Variants in PCNX4 observed in about 807,000 individuals in gnomAD.
PCNX4 encodes the protein pecanex-like protein 4.
Under a neutral mutation model 107.2 loss-of-function variants are expected in PCNX4, and 103 were observed. The ratio of observed to expected loss-of-function variants is 0.96; its 90% CI spans 0.82 to 1.13. PCNX4 has a LOEUF of 1.13. PCNX4 is among the 50% of genes most tolerant of loss of function. The pLI is 0.00. For synonymous variants in PCNX4, 541 were observed against 481.7 expected (o/e 1.12, Z -1.61); for missense variants, 1,528 against 1,379.4 (o/e 1.11, Z -1.71).
In PCNX4 at chr14:60,146,444, T is replaced by C. The variant is rs1896408535; in HGVS notation, c.*12223T>C. On this transcript the variant is annotated 3_prime_UTR_variant, in exon 11 of 11. Coordinates refer to ENST00000406854, the MANE Select transcript of PCNX4 (RefSeq NM_001330177.2). This position sits in a 1 kb window ranked among gnomAD's most constrained non-coding sequence, Gnocchi z 4.9. ...TGCCCTATTATTTAAATTGAGAATG[T>C]GAACCAGTACAGACATTATGGAAAA... 1 of 152,138 alleles carries C rather than the reference T, an allele frequency of 6.6e-6. No individual in the cohort carries two copies. The highest frequency in any genetic ancestry group is 2.4e-5 in the African/African-American group (1 of 41,440). 9.4% of individuals were successfully genotyped at this position (152,138 alleles called of 1,614,324 possible). A position where few individuals can be genotyped will look rare whatever the true frequency, so the allele number is the denominator to read the frequency against.
rs1405765156 is a variant in PCNX4, at chr14:60,147,830, C to G, written c.*13609C>G. 1.3e-5 allele frequency: 2 copies of G among 152,206 alleles called. No homozygotes were observed. Among genetic ancestry groups the G allele is most frequent in the East Asian group, 3.8e-4 (2 of 5,196 alleles). 9.4% of individuals were successfully genotyped at this position (152,206 alleles called of 1,614,324 possible). ...CCAGGCTGCATGCTCTGCCAGGAGG[C>G]TGTGCTTCCTCTGTAGTAAGGTGGC... On this transcript the variant is annotated 3_prime_UTR_variant, in exon 11 of 11. Coordinates refer to ENST00000406854, the MANE Select transcript of PCNX4 (RefSeq NM_001330177.2).
At position 60,125,274 on chromosome 14, in the gene PCNX4, A is replaced by G. The variant is rs1320956194; in HGVS notation, c.3080+23A>G. ...CAGGTAATCCATTTTGATCATATGT[A>G]AGTTATAACATTGTTGGAAAAATAC... On this transcript the variant is annotated intron_variant, in intron 9 of 10. Transcript: ENST00000406854. 4.0e-6 allele frequency: 6 copies of G among 1,488,272 alleles called. No homozygotes were observed. In the Admixed American group the frequency reaches 1.6e-4, roughly 39 times the overall value. 92.2% of individuals were successfully genotyped at this position (1,488,272 alleles called of 1,614,324 possible). A position where few individuals can be genotyped will look rare whatever the true frequency, so the allele number is the denominator to read the frequency against.
chr14:60,110,212 G>A (rs1895714927), intron 2 of PCNX4: 1 of 167,162 alleles, frequency 6.0e-6, no homozygotes, highest in South Asian at 2.1e-4. Context: ...AAGGCCGACA[G>A]TTGAACTTCT....
intron 1 of PCNX4, among the ~76,000 whole-genome samples, chr14:60,105,126 G>GT (rs1486159433): frequency 6.6e-6 from 1 of 152,154 alleles, no homozygotes; most frequent in Non-Finnish European, 1.5e-5. Context: ...CACTTAAAAA[G>GT]TTTCAGCTTT....
rs1896330900 is a variant in PCNX4, at chr14:60,143,475, T to C, written c.*9254T>C. On this transcript the variant is annotated 3_prime_UTR_variant, in exon 11 of 11. Coordinates refer to ENST00000406854, the MANE Select transcript of PCNX4 (RefSeq NM_001330177.2). ...GTTTCCTCCCCATCCTAAGTAACTA[T>C]TACCATACCTAAATATATATCTAAT... The C allele has an allele frequency of 6.6e-6, 1 of 152,232 alleles. No homozygotes were observed. Among genetic ancestry groups the C allele is most frequent in the South Asian group, 2.1e-4 (1 of 4,832 alleles). The allele number at this position is 152,232 out of a possible 1,614,324, so 9.4% of individuals were successfully genotyped here. A position where few individuals can be genotyped will look rare whatever the true frequency, so the allele number is the denominator to read the frequency against.
Position 60,107,831 on chromosome 14 carries a change from G to C in PCNX4, c.193G>C (p.Gly65Arg), listed in dbSNP as rs1285083119. 6.2e-7 allele frequency: 1 copy of C among 1,612,754 alleles called. No homozygotes were observed. Among genetic ancestry groups the C allele is most frequent in the East Asian group, 2.2e-5 (1 of 44,872 alleles). ...GGVGTLLYQLGILKDYYTAAL... is the reference protein window; with the variant it reads ...GGVGTLLYQLRILKDYYTAAL... The stretch of plus-strand genomic sequence containing the variant: ...AGTCGGAACACTTTTATACCAGTTA[G>C]GCATCCTGAAAGACTATTATACAGC... The change falls in exon 2 of 11, where the codon GGC becomes CGC. Residue 65 changes from glycine to arginine, a missense_variant. Coordinates refer to ENST00000406854, the MANE Select transcript of PCNX4 (RefSeq NM_001330177.2).
rs1896415346 is a variant in PCNX4, at chr14:60,146,692, T to C, written c.*12471T>C. ...ATGTGTGTGTGTGTCTGTGTGTGTA[T>C]ATATATATATGGAATATTATTCCAC... On this transcript the variant is annotated 3_prime_UTR_variant, in exon 11 of 11. Transcript: ENST00000406854. This position sits in a 1 kb window ranked among gnomAD's most constrained non-coding sequence, Gnocchi z 4.9. 1 of 151,682 alleles carries C rather than the reference T, an allele frequency of 6.6e-6. No individual in the cohort carries two copies. The highest frequency in any genetic ancestry group is 2.4e-5 in the African/African-American group (1 of 41,270). The allele number at this position is 151,682 out of a possible 1,614,324, so 9.4% of individuals were successfully genotyped here. A position where few individuals can be genotyped will look rare whatever the true frequency, so the allele number is the denominator to read the frequency against.
chr14:60,127,471 C>T (rs1490574302), intron 10 of PCNX4, among the ~76,000 whole-genome samples: 4 of 152,186 alleles, frequency 2.6e-5, no homozygotes, highest in Non-Finnish European at 5.9e-5. Flanking sequence ...CGTGCCAAAA[C>T]CATCCCAAGG....
intron 1 of PCNX4, among the ~76,000 whole-genome samples, chr14:60,098,314 G>A (rs943652171): frequency 6.6e-6 from 1 of 152,148 alleles, no homozygotes; most frequent in Non-Finnish European, 1.5e-5. Flanking sequence ...CTGTAAGTCT[G>A]TAAGAGAGAG....
intron 7 of PCNX4, among the ~76,000 whole-genome samples, chr14:60,118,992 A>C (rs1368859357): frequency 1.3e-5 from 2 of 152,214 alleles, no homozygotes; most frequent in Non-Finnish European, 2.9e-5. Context: ...GAAACATGGA[A>C]ACACCTTTCC....
chr14:60,093,132 C>T (rs1465795650), intron 1 of PCNX4, among the ~76,000 whole-genome samples: 2 of 152,144 alleles, frequency 1.3e-5, no homozygotes, highest in African/African-American at 4.8e-5. Context: ...GTTGGCTGCT[C>T]CTAAATTTCC....
intron 6 of PCNX4, among the ~76,000 whole-genome samples, chr14:60,117,243 G>A (rs1038488014): frequency 1.3e-5 from 2 of 152,138 alleles, no homozygotes; most frequent in African/African-American, 4.8e-5. Context: ...TTCTAGTGCT[G>A]CAAGTCCCAT....
At position 60,107,630 on chromosome 14, in the gene PCNX4, C is replaced by T. The variant is rs766718642; in HGVS notation, c.-9C>T. 6 of 1,593,792 alleles carry T rather than the reference C, an allele frequency of 3.8e-6. No homozygotes were observed. The highest frequency in any genetic ancestry group is 1.4e-5 in the African/African-American group (1 of 74,042). On this transcript the variant is annotated 5_prime_UTR_variant, in exon 2 of 11. Transcript: ENST00000406854. ...AAGCATGTGACTTTCAGAATAATCC[C>T]GAGTGAGGATGAGTCCAGATGTGCC...
chr14:60,128,586 A>G (rs1896097684), intron 10 of PCNX4, among the ~76,000 whole-genome samples: 1 of 152,214 alleles, frequency 6.6e-6, no homozygotes, highest in South Asian at 2.1e-4. Flanking sequence ...CTTACAAGAA[A>G]TACTAGAGTT....
intron 1 of PCNX4, among the ~76,000 whole-genome samples, chr14:60,105,535 C>G (rs1895612921): frequency 6.6e-6 from 1 of 152,078 alleles, no homozygotes; most frequent in Non-Finnish European, 1.5e-5. Context: ...GGTGTGTGTA[C>G]TCTTTTTTTT....
intron 1 of PCNX4, among the ~76,000 whole-genome samples, chr14:60,106,647 A>G (rs1895635311): frequency 6.6e-6 from 1 of 152,230 alleles, no homozygotes; most frequent in Non-Finnish European, 1.5e-5. Context: ...TAAGGTACTA[A>G]TTCTTAAAGG....
At chr14:60,110,579 G>A (rs1029341527) in intron 2 of PCNX4, 1 of 167,052 alleles carries the variant, frequency 6.0e-6, no homozygotes, top group Admixed American at 6.5e-5. Flanking sequence ...ATTGGAGTGG[G>A]GATGTCTCTT....
rs578026729 is a variant in PCNX4 at position 60,118,263 on chromosome 14, T to C, written c.1579-66T>C. ...TAAAATTACTGTATAGTCTGTCTTA[T>C]ATGATCTTGAAAATTCATGAAAAAT... On this transcript the variant is annotated intron_variant, in intron 6 of 10. Transcript: ENST00000406854. The C allele has an allele frequency of 3.4e-6, 5 of 1,462,118 alleles. No homozygotes were observed. In the African/African-American group the frequency reaches 4.3e-5, roughly 12 times the overall value. The allele number at this position is 1,462,118 out of a possible 1,614,324, so 90.6% of individuals were successfully genotyped here.
rs997435298 is a variant in PCNX4, at chr14:60,137,058, C to T, written c.*2837C>T. ...CATTCATACCAACTATTTCAGAGAA[C>T]TAGCAATGCCAGGCAAAATAGTATT... is the stretch of plus-strand genomic sequence containing the variant. On this transcript the variant is annotated 3_prime_UTR_variant, in exon 11 of 11. Coordinates refer to ENST00000406854, the MANE Select transcript of PCNX4 (RefSeq NM_001330177.2). 2 of 152,184 alleles carry T rather than the reference C, an allele frequency of 1.3e-5. No individual in the cohort carries two copies. Among genetic ancestry groups the T allele is most frequent in the Non-Finnish European group, 2.9e-5 (2 of 68,032 alleles). The allele number at this position is 152,184 out of a possible 1,614,324, so 9.4% of individuals were successfully genotyped here. A position where few individuals can be genotyped will look rare whatever the true frequency, so the allele number is the denominator to read the frequency against.
Sources: gnomAD v4.1 joint callset for allele counts (sites outside exome capture counted in the v4.1 genomes callset) on GRCh38, gnomAD v4.1.1 for gene constraint, Gnocchi (gnomAD v3.1) non-coding constraint, MANE v1.5 for transcripts, NCBI Gene and HGNC (gene_info 2026-07-23, HGNC 2026-07-21) for gene names.